Variants in CACNA1A observed in about 807,000 individuals in gnomAD.
CACNA1A encodes the protein voltage-dependent P/Q-type calcium channel subunit alpha-1A.
In CACNA1A, 57 loss-of-function variants were observed where a neutral mutation model predicts 262.4. The ratio of observed to expected loss-of-function variants is 0.22; its 90% CI spans 0.18 to 0.27. The LOEUF (loss-of-function observed/expected upper bound fraction) is 0.27. CACNA1A is among the 10% of genes least tolerant of loss of function. The pLI is 1.00. For synonymous variants in CACNA1A, 1,431 were observed against 1,419.3 expected (o/e 1.01, Z -0.18); for missense variants, 2,526 against 3,562.8 (o/e 0.71, Z 7.41).
In CACNA1A at chr19:13,473,954, A is replaced by C. The variant is rs576114449; in HGVS notation, c.294-18742T>G. Among the ~76,000 whole-genome samples, 90 of 152,158 alleles carry C rather than the reference A, an allele frequency of 5.9e-4. 1 individual carries two copies. Among genetic ancestry groups the C allele is most frequent in the Non-Finnish European group, 8.1e-4 (55 of 68,008 alleles). On this transcript the variant is annotated intron_variant, in intron 1 of 46. Transcript: ENST00000360228. ...ATGAAACCTCCCTCACTTGCTCCCC[A>C]CTGCACTTCCCCAAATATTTGGGTC...
chr19:13,369,552 A>G (rs2059281416), intron 4 of CACNA1A, among the ~76,000 whole-genome samples: 1 of 152,182 alleles, frequency 6.6e-6, no homozygotes, highest in South Asian at 2.1e-4. Flanking sequence ...CCATCTGTAA[A>G]TGGGGACTGC....
chr19:13,293,439 C>CTTTTTTTTTTTTTTTTTTT, intron 19 of CACNA1A, among the ~76,000 whole-genome samples: 1 of 80,896 alleles, frequency 1.2e-5, no homozygotes, highest in Non-Finnish European at 2.2e-5. Context: ...TCAGTTAAAT[C>CTTTTTTTTTTTTTTTTTTT]TTTTTTTTTT....
chr19:13,353,436 C>T (rs2058950961), intron 6 of CACNA1A, among the ~76,000 whole-genome samples: 1 of 151,978 alleles, frequency 6.6e-6, no homozygotes. Flanking sequence ...CCAGCACCCC[C>T]ACTCATCATT....
intron 17 of CACNA1A, 151 bp downstream of exon 17, chr19:13,303,395 C>T (rs942496553): frequency 5.0e-6 from 3 of 596,034 alleles, no homozygotes; most frequent in African/African-American, 1.9e-5. Flanking sequence ...GGGGGAGAGG[C>T]GCCTTCTCTT....
At chr19:13,500,823 G>T (rs1027965111) in intron 1 of CACNA1A, among the ~76,000 whole-genome samples, 8 of 152,124 alleles carry the variant, frequency 5.3e-5, no homozygotes, top group African/African-American at 1.9e-4. Context: ...AGCAAACTCT[G>T]GTCCATCCAT....
chr19:13,271,214 G>GTTTTTTTTGTTTTTTTTGTTTT (rs2057009117), intron 24 of CACNA1A: 5 of 80,436 alleles, frequency 6.2e-5, no homozygotes, highest in African/African-American at 2.6e-4. Context: ...TCATTCTGCT[G>GTTTTTTTTGTTTTTTTTGTTTT]TTTTTTTTTT....
chr19:13,332,845 CT>C (rs757070845), intron 9 of CACNA1A, 23 bp downstream of exon 9: 10 of 1,577,782 alleles, frequency 6.3e-6, no homozygotes, highest in Non-Finnish European at 8.7e-6. Flanking sequence ...GGACCCACCC[CT>C]GAGGTGGGTT....
intron 1 of CACNA1A, among the ~76,000 whole-genome samples, chr19:13,490,897 T>A (rs368378762): frequency 3.1e-3 from 197 of 63,788 alleles, no homozygotes; most frequent in East Asian, 4.0e-3. Context: ...AGGAAAGGAG[T>A]AAGGAAGGAA....
At chr19:13,252,924 C>G in intron 30 of CACNA1A, 67 bp downstream of exon 30, 1 of 1,089,768 alleles carries the variant, frequency 9.2e-7, no homozygotes. Flanking sequence ...AGACCATCAT[C>G]CAGGACCCAT....
intron 3 of CACNA1A, among the ~76,000 whole-genome samples, chr19:13,415,795 ACT>A (rs1005388121): frequency 6.9e-6 from 1 of 144,978 alleles, no homozygotes; most frequent in Non-Finnish European, 1.5e-5. Flanking sequence ...CTCAGAATTC[ACT>A]GAGGCCAATT....
intron 11 of CACNA1A, chr19:13,316,648 A>T (rs1323405413): frequency 1.3e-5 from 2 of 153,080 alleles, no homozygotes; most frequent in African/African-American, 4.8e-5. Context: ...AAGTAGAGTC[A>T]GAAATAAGTA....
chr19:13,406,465 T>TTA lies in CACNA1A; in HGVS notation c.540-34688_540-34687dup, dbSNP rs61273249. On this transcript the variant is annotated intron_variant, in intron 3 of 46. Transcript: ENST00000360228. ...GGGAGACTCTGTCTCAAAAAAAAAATTATATATATATATATATATATATAT... is the reference window on the plus strand; with the variant it reads ...GGGAGACTCTGTCTCAAAAAAAAAATTATATATATATATATATATATATATAT... Among the ~76,000 whole-genome samples the TTA allele has an allele frequency of 7.0e-3, 220 of 31,526 alleles. 3 individuals are homozygous for TTA. The highest frequency in any genetic ancestry group is 0.011 in the Non-Finnish European group (142 of 13,236). 20.7% of individuals were successfully genotyped at this position (31,526 alleles called of 152,430 possible). A position where few individuals can be genotyped will look rare whatever the true frequency, so the allele number is the denominator to read the frequency against.
At chr19:13,495,288 T>C (rs1005410047) in intron 1 of CACNA1A, among the ~76,000 whole-genome samples, 3 of 152,130 alleles carry the variant, frequency 2.0e-5, no homozygotes, top group East Asian at 1.9e-4. Context: ...AACCTAAGCA[T>C]ATAATATTTA....
chr19:13,253,465 T>TTC (rs1332461488), intron 29 of CACNA1A, among the ~76,000 whole-genome samples: 3 of 147,668 alleles, frequency 2.0e-5, no homozygotes, highest in Non-Finnish European at 4.5e-5. Context: ...TTTTTTTTTT[T>TTC]TGAGGAGTCT....
chr19:13,353,921 T>C (rs562761918), intron 6 of CACNA1A, among the ~76,000 whole-genome samples: 1 of 152,338 alleles, frequency 6.6e-6, no homozygotes, highest in African/African-American at 2.4e-5. Context: ...CTTTCGTTCC[T>C]ATTGGGCTTC....
chr19:13,231,622 C>A, intron 35 of CACNA1A, 88 bp downstream of exon 35: 1 of 1,382,676 alleles, frequency 7.2e-7, no homozygotes, highest in Non-Finnish European at 1.0e-6. Context: ...AAGCCTTCGA[C>A]ACAGCCACAT....
At chr19:13,349,818 G>A (rs1568560785) in intron 6 of CACNA1A, among the ~76,000 whole-genome samples, 1 of 152,158 alleles carries the variant, frequency 6.6e-6, no homozygotes, top group African/African-American at 2.4e-5. Flanking sequence ...TACCATCAAG[G>A]AATCCCAGGC....
chr19:13,256,163 C>CT (rs961801639), intron 28 of CACNA1A: 47 of 146,502 alleles, frequency 3.2e-4, no homozygotes, highest in Middle Eastern at 6.8e-3. Context: ...CTAATTAAAA[C>CT]TTTTTTTTTT....
At chr19:13,444,400 T>C (rs940583593) in intron 3 of CACNA1A, among the ~76,000 whole-genome samples, 3 of 152,132 alleles carry the variant, frequency 2.0e-5, no homozygotes, top group African/African-American at 7.2e-5. Flanking sequence ...AGCAGGTGCA[T>C]GGGGCAGGGG....
Sources: gnomAD v4.1 joint callset for allele counts (sites outside exome capture counted in the v4.1 genomes callset) on GRCh38, gnomAD v4.1.1 for gene constraint, MANE v1.5 for transcripts, NCBI Gene and HGNC (gene_info 2026-07-23, HGNC 2026-07-21) for gene names.